Variants in LRBA observed in about 807,000 individuals in gnomAD.
LRBA encodes lipopolysaccharide-responsive and beige-like anchor protein.
Under a neutral mutation model 330.0 loss-of-function variants are expected in LRBA, and 176 were observed. The observed-to-expected ratio is 0.53, with a 90% CI of 0.47 to 0.60. The LOEUF is 0.60. Ranked by LOEUF, LRBA falls within the 20% of genes least tolerant of loss-of-function variation. The pLI, the probability that LRBA is intolerant of heterozygous loss-of-function variation, is 0.00. For missense variants in LRBA, 3,259 were observed against 3,444.8 expected (o/e 0.95, Z 1.35); for synonymous variants, 1,230 against 1,193.0 (o/e 1.03, Z -0.64).
At chr4:150,799,816 C>T (rs934128976) in intron 33 of LRBA, among the ~76,000 whole-genome samples, 1 of 152,204 alleles carries the variant, frequency 6.6e-6, no homozygotes, top group African/African-American at 2.4e-5. Flanking sequence ...ACGATCTCAG[C>T]TCACCACAAC....
intron 40 of LRBA, among the ~76,000 whole-genome samples, chr4:150,508,050 G>T (rs1761334913): frequency 7.1e-6 from 1 of 140,352 alleles, no homozygotes; most frequent in Non-Finnish European, 1.5e-5. Context: ...GACACAGGAA[G>T]GGGAACATCA....
intron 47 of LRBA, among the ~76,000 whole-genome samples, chr4:150,395,433 TC>T (rs1744594795): frequency 6.6e-6 from 1 of 152,138 alleles, no homozygotes; most frequent in African/African-American, 2.4e-5. Flanking sequence ...TTCTCTGTCC[TC>T]TCTGTCATTG....
intron 31 of LRBA, among the ~76,000 whole-genome samples, chr4:150,809,892 TACGATACGATAC>T (rs1743420386): frequency 6.7e-6 from 1 of 149,770 alleles, no homozygotes; most frequent in Non-Finnish European, 1.5e-5. Context: ...TACGATACGA[TACGATACGATAC>T]GATACGATAC....
chr4:150,908,940 A>G, intron 9 of LRBA, 83 bp from the exon 10 acceptor site: 1 of 848,164 alleles, frequency 1.2e-6, no homozygotes. Flanking sequence ...AACTTTAAGG[A>G]GACAGACCAT....
intron 2 of LRBA, among the ~76,000 whole-genome samples, chr4:150,990,028 A>G (rs1236446939): frequency 6.6e-6 from 1 of 152,112 alleles, no homozygotes; most frequent in African/African-American, 2.4e-5. Context: ...AGAAAATATC[A>G]CTAGGTAAAA....
rs1748797752 is a variant in LRBA at position 150,839,893 on chromosome 4, A to G, written c.4569+4207T>C. Among the ~76,000 whole-genome samples, 4 of 152,334 alleles carry G rather than the reference A, an allele frequency of 2.6e-5. 1 individual carries two copies. The South Asian group carries it at 8.3e-4, about 32-fold the overall frequency. On this transcript the variant is annotated intron_variant, in intron 28 of 56. Transcript: ENST00000651943. ...CTAGAACTTAAAGTATTAAAAAAAA[A>G]AAAAGGTGTTTTGTCCACATTGAAA...
chr4:150,751,362 C>A (rs1733518048), intron 35 of LRBA, among the ~76,000 whole-genome samples: 2 of 151,930 alleles, frequency 1.3e-5, no homozygotes, highest in Admixed American at 1.3e-4. Context: ...AATATTCACA[C>A]AATGTTATTT....
At chr4:150,291,213 T>C (rs1164272819) in intron 53 of LRBA, among the ~76,000 whole-genome samples, 3 of 144,532 alleles carry the variant, frequency 2.1e-5, no homozygotes, top group Non-Finnish European at 3.0e-5. Flanking sequence ...AAAGACAAAA[T>C]TGACAAATGG....
intron 47 of LRBA, among the ~76,000 whole-genome samples, chr4:150,360,114 T>C (rs1183472256): frequency 3.3e-5 from 5 of 152,114 alleles, no homozygotes; most frequent in African/African-American, 2.4e-5. Flanking sequence ...ATGCCAGATA[T>C]GCAATTTAAA....
chr4:150,294,909 C>T (rs1052233922), intron 53 of LRBA, among the ~76,000 whole-genome samples: 4 of 151,980 alleles, frequency 2.6e-5, no homozygotes, highest in Non-Finnish European at 5.9e-5. Flanking sequence ...CAAGATCCCA[C>T]CACTGCACTC....
intron 2 of LRBA, among the ~76,000 whole-genome samples, chr4:150,953,111 A>G (rs1487757715): frequency 1.3e-5 from 2 of 152,162 alleles, no homozygotes; most frequent in Admixed American, 1.3e-4. Flanking sequence ...CTATCTGAAG[A>G]GCGTATCTGA....
At chr4:150,646,838 G>A (rs960069343) in intron 37 of LRBA, among the ~76,000 whole-genome samples, 1 of 152,080 alleles carries the variant, frequency 6.6e-6, no homozygotes, top group African/African-American at 2.4e-5. Flanking sequence ...AATGCTCATT[G>A]GAGCATTTCG....
chr4:150,828,087 T>A (rs1046034414), intron 30 of LRBA, 93 bp downstream of exon 30: 114 of 1,125,026 alleles, frequency 1.0e-4, no homozygotes, highest in Admixed American at 3.5e-4. Context: ...ATATGTGGAT[T>A]TTCGGCTACA....
intron 22 of LRBA, among the ~76,000 whole-genome samples, chr4:150,858,118 G>A (rs1051381522): frequency 6.6e-6 from 1 of 152,110 alleles, no homozygotes; most frequent in African/African-American, 2.4e-5. Context: ...CTGGGTTCAA[G>A]ATTTCCTGTA....
intron 36 of LRBA, among the ~76,000 whole-genome samples, chr4:150,734,352 T>G (rs939993668): frequency 6.6e-6 from 1 of 152,142 alleles, no homozygotes; most frequent in African/African-American, 2.4e-5. Context: ...TGAATTATGT[T>G]ATTTAAAGTT....
intron 47 of LRBA, among the ~76,000 whole-genome samples, chr4:150,364,660 T>C (rs1739187224): frequency 6.6e-6 from 1 of 152,218 alleles, no homozygotes. Flanking sequence ...CTGGAGGCTT[T>C]ATTTACAGGT....
At chr4:150,700,603 A>C (rs1223613348) in intron 36 of LRBA, among the ~76,000 whole-genome samples, 1 of 152,228 alleles carries the variant, frequency 6.6e-6, no homozygotes, top group Non-Finnish European at 1.5e-5. Context: ...ATTTTCTTCA[A>C]TAATAAATTA....
At chr4:150,704,980 G>A (rs1272285933) in intron 36 of LRBA, among the ~76,000 whole-genome samples, 1 of 152,148 alleles carries the variant, frequency 6.6e-6, no homozygotes. Context: ...ACCGAGTAAT[G>A]TAATAATTGT....
chr4:150,320,896 A>C (rs956933424), intron 50 of LRBA, among the ~76,000 whole-genome samples: 36 of 152,144 alleles, frequency 2.4e-4, no homozygotes, highest in African/African-American at 8.4e-4. Context: ...AAATAAATAT[A>C]TACTGTTTAT....
Sources: gnomAD v4.1 joint callset for allele counts (sites outside exome capture counted in the v4.1 genomes callset) on GRCh38, gnomAD v4.1.1 for gene constraint, MANE v1.5 for transcripts, NCBI Gene and HGNC (gene_info 2026-07-23, HGNC 2026-07-21) for gene names.